The following CGGBP1 variants were observed in gnomAD, a reference collection of about 807,000 sequenced individuals.
CGGBP1 encodes the protein CGG triplet repeat binding protein 1, also known as CGG triplet repeat-binding protein 1.
CGGBP1 carries 4 observed loss-of-function variants against 11.4 expected under a neutral mutation model. The observed-to-expected ratio is 0.35, with a 90% CI of 0.17 to 0.80. The LOEUF is 0.80. Ranked by LOEUF, CGGBP1 falls within the 30% of genes least tolerant of loss-of-function variation. The pLI, the probability that CGGBP1 is intolerant of heterozygous loss-of-function variation, is 0.52. For synonymous variants in CGGBP1, 76 were observed against 74.1 expected (o/e 1.03, Z -0.13); for missense variants, 135 against 202.1 (o/e 0.67, Z 2.01).
rs573260084 is a variant in CGGBP1, at chr3:88,148,700, G to A, written c.-338+1011C>T. Among the ~76,000 whole-genome samples, 4 of 152,304 alleles carry A rather than the reference G, an allele frequency of 2.6e-5. No homozygotes were observed. The South Asian group carries it at 8.3e-4, about 32-fold the overall frequency. On this transcript the variant is annotated intron_variant, in intron 1 of 3. Coordinates refer to the CGGBP1 transcript ENST00000462901. ...CCCAGGTTGGGGTGCAGTGAGTGTG[G>A]CGCGATCTCGGCTAACTATAACCTC...
At chr3:88,093,703 A>G (rs1224127169) in intron 2 of CGGBP1, among the ~76,000 whole-genome samples, 2 of 152,248 alleles carry the variant, frequency 1.3e-5, no homozygotes, top group Non-Finnish European at 2.9e-5. Context: ...ACTGTATTTC[A>G]TACAGCATTT....
At chr3:88,100,604 T>A (rs1259574784) in intron 2 of CGGBP1, among the ~76,000 whole-genome samples, 2 of 152,180 alleles carry the variant, frequency 1.3e-5, no homozygotes, top group Non-Finnish European at 2.9e-5. Context: ...ATGTGGCACA[T>A]ATACACCATG....
intron 1 of CGGBP1, among the ~76,000 whole-genome samples, chr3:88,149,366 G>A (rs1180805287): frequency 6.6e-6 from 1 of 152,176 alleles, no homozygotes; most frequent in Non-Finnish European, 1.5e-5. Flanking sequence ...CTTAAATTGC[G>A]CGCGACATCG....
chr3:88,085,318 C>G (rs1708283845), intron 2 of CGGBP1, among the ~76,000 whole-genome samples: 1 of 152,194 alleles, frequency 6.6e-6, no homozygotes, highest in African/African-American at 2.4e-5. Context: ...AGCAGGAAAG[C>G]AGCCACAGAC....
chr3:88,129,494 T>C (rs1218412972), intron 2 of CGGBP1, among the ~76,000 whole-genome samples: 1 of 152,108 alleles, frequency 6.6e-6, no homozygotes, highest in East Asian at 1.9e-4. Context: ...AGATTAAAAG[T>C]AGTCATTGTA....
chr3:88,139,596 C>T lies in CGGBP1; in HGVS notation c.-229+1374G>A, dbSNP rs780834394. On this transcript the variant is annotated intron_variant, in intron 2 of 3. Transcript: ENST00000462901. The stretch of plus-strand genomic sequence containing the variant: ...TAGTAAGGATTTGGAAGTGGAGACA[C>T]TTACTGCTTCTAGTGAAGGAAACAA... 8.1e-6 allele frequency: 13 copies of T among 1,613,608 alleles called. 1 individual carries two copies. Among genetic ancestry groups the T allele is most frequent in the South Asian group, 5.5e-5 (5 of 91,074 alleles).
intron 2 of CGGBP1, among the ~76,000 whole-genome samples, chr3:88,137,338 A>C (rs1433348875): frequency 6.6e-6 from 1 of 152,162 alleles, no homozygotes; most frequent in Non-Finnish European, 1.5e-5. Flanking sequence ...TTTAGAAATC[A>C]GTAGTTGGAA....
At chr3:88,135,104 C>T in intron 2 of CGGBP1, 2 of 1,475,186 alleles carry the variant, frequency 1.4e-6, no homozygotes, top group Non-Finnish European at 1.8e-6. Context: ...TAAATCTAAT[C>T]CTTCAAAACA....
intron 2 of CGGBP1, among the ~76,000 whole-genome samples, chr3:88,112,863 G>A (rs1705179713): frequency 6.6e-6 from 1 of 152,008 alleles, no homozygotes; most frequent in Admixed American, 6.6e-5. Flanking sequence ...GTGGTCATTA[G>A]TAGGCATGAG....
At chr3:88,059,997 G>A (rs182428346), upstream of CGGBP1, among the ~76,000 whole-genome samples, 209 of 151,888 alleles carry the variant, frequency 1.4e-3, 4 homozygotes, top group African/African-American at 4.8e-3. Context: ...CCTCTTCTAG[G>A]GTCTCCTGTC....
chr3:88,109,177 G>GTGTA (rs1553697159), intron 2 of CGGBP1, among the ~76,000 whole-genome samples: 2 of 151,328 alleles, frequency 1.3e-5, no homozygotes, highest in Non-Finnish European at 2.9e-5. Context: ...GTGTGTGTGT[G>GTGTA]TGTATGAAGA....
At chr3:88,077,203 T>C (rs184783737) in intron 2 of CGGBP1, among the ~76,000 whole-genome samples, 4 of 152,336 alleles carry the variant, frequency 2.6e-5, no homozygotes, top group Non-Finnish European at 2.9e-5. Flanking sequence ...GGATTGTGAA[T>C]GAATTTTTGT....
intron 2 of CGGBP1, chr3:88,086,266 G>C: frequency 2.6e-6 from 4 of 1,533,662 alleles, no homozygotes; most frequent in Non-Finnish European, 2.6e-6. Flanking sequence ...GGTGGTTGAA[G>C]ATTATGCTGG....
chr3:88,120,763 T>A (rs562657110), intron 2 of CGGBP1, among the ~76,000 whole-genome samples: 93 of 151,940 alleles, frequency 6.1e-4, no homozygotes, highest in African/African-American at 2.1e-3. Flanking sequence ...TTAAAAAGGA[T>A]GAAACTAAAA....
chr3:88,139,258 T>G (rs570519004), intron 2 of CGGBP1: 6 of 1,532,850 alleles, frequency 3.9e-6, no homozygotes, highest in Non-Finnish European at 5.2e-6. Flanking sequence ...AAGAAAAATC[T>G]TACAGCTCTC....
intron 2 of CGGBP1, among the ~76,000 whole-genome samples, chr3:88,115,997 T>G (rs1705365968): frequency 6.6e-6 from 1 of 152,028 alleles, no homozygotes; most frequent in African/African-American, 2.4e-5. Flanking sequence ...CAGGGAAATG[T>G]GTGAGAGAGG....
In CGGBP1 at chr3:88,053,836, G is replaced by A. The variant is rs1216046501; in HGVS notation, c.*1637C>T. 1 of 152,558 alleles carries A rather than the reference G, an allele frequency of 6.6e-6. No homozygotes were observed. The highest frequency in any genetic ancestry group is 1.5e-5 in the Non-Finnish European group (1 of 67,996). The allele number at this position is 152,558 out of a possible 1,614,324, so 9.5% of individuals were successfully genotyped here. A position where few individuals can be genotyped will look rare whatever the true frequency, so the allele number is the denominator to read the frequency against. ...TCATACATGTGCTTCATCAACGAGAGCACTACTCTAGGCATGCATTTATCA... is the reference window on the plus strand; with the variant it reads ...TCATACATGTGCTTCATCAACGAGAACACTACTCTAGGCATGCATTTATCA... On this transcript the variant is annotated 3_prime_UTR_variant, in exon 4 of 4. Transcript: ENST00000482016.
intron 2 of CGGBP1, among the ~76,000 whole-genome samples, chr3:88,118,115 A>G (rs778087478): frequency 2.0e-4 from 30 of 152,190 alleles, no homozygotes; most frequent in Non-Finnish European, 4.4e-5. Flanking sequence ...AAGCTCTGCA[A>G]GTGGTTTAAT....
chr3:88,141,530 C>G (rs879092011), intron 1 of CGGBP1: 1 of 661,252 alleles, frequency 1.5e-6, no homozygotes, highest in Admixed American at 3.6e-5. Context: ...GCTTGTCTGT[C>G]TACTAATATC....
Sources: allele counts gnomAD v4.1 joint callset (sites outside exome capture counted in the v4.1 genomes callset), GRCh38; gene constraint gnomAD v4.1.1; transcripts MANE v1.5; gene names NCBI Gene and HGNC (gene_info 2026-07-23, HGNC 2026-07-21).